Variants in TSPAN9 observed in about 807,000 individuals in gnomAD.
The protein encoded by TSPAN9 is tetraspanin-9.
TSPAN9 carries 16 observed loss-of-function variants against 31.0 expected under a neutral mutation model. The ratio of observed to expected loss-of-function variants is 0.52; its 90% confidence interval spans 0.35 to 0.78. TSPAN9 has a LOEUF of 0.78. Among genes scored for constraint, TSPAN9 ranks in the 30% least tolerant of loss-of-function variants. The pLI is 0.01. For missense variants in TSPAN9, 272 were observed against 312.5 expected, an observed-to-expected ratio of 0.87 and a Z score of 0.98; for synonymous variants, 145 against 121.6, an observed-to-expected ratio of 1.19 and a Z score of -1.27.
chr12:3,205,905 TC>T lies in TSPAN9; in HGVS notation c.63+4651del, dbSNP rs758535735. On this transcript the variant is annotated intron_variant, in intron 3 of 8. Coordinates refer to ENST00000011898, the MANE Select transcript of TSPAN9 (RefSeq NM_006675.5). ...AGGGAATGCCAGGTCTGTGTTCACT[TC>T]CTCTCCACAGCATTAAAAATTAAAC... Among the ~76,000 whole-genome samples the T allele has an allele frequency of 5.8e-4, 88 of 151,844 alleles. 1 individual carries two copies. The highest frequency in any genetic ancestry group is 8.8e-5 in the Non-Finnish European group (6 of 67,988).
chr12:3,084,960 C>G (rs1315876140), intron 2 of TSPAN9, among the ~76,000 whole-genome samples: 1 of 152,234 alleles, frequency 6.6e-6, no homozygotes, highest in Non-Finnish European at 1.5e-5. Context: ...CCTCCCGCCT[C>G]CCTGGGGCCC....
At chr12:3,178,171 C>G (rs1174222744) in intron 2 of TSPAN9, among the ~76,000 whole-genome samples, 1 of 152,210 alleles carries the variant, frequency 6.6e-6, no homozygotes, top group Non-Finnish European at 1.5e-5. Context: ...TCTCCGCTAC[C>G]CACGTATCCA....
At chr12:3,281,387 G>A (rs1358050137) in intron 7 of TSPAN9, 58 bp downstream of exon 7, 54 of 1,511,064 alleles carry the variant, frequency 3.6e-5, no homozygotes, top group Middle Eastern at 1.9e-4. Flanking sequence ...GCCCCGGCAC[G>A]GGGAGCCCTA....
chr12:3,164,643 C>T (rs765208242), intron 2 of TSPAN9, among the ~76,000 whole-genome samples: 1 of 152,170 alleles, frequency 6.6e-6, no homozygotes, highest in African/African-American at 2.4e-5. Flanking sequence ...CCAGCAGTGT[C>T]GTGGTAGGTT....
chr12:3,269,763 C>T (rs909274155), intron 3 of TSPAN9, among the ~76,000 whole-genome samples: 5 of 152,228 alleles, frequency 3.3e-5, no homozygotes, highest in Non-Finnish European at 5.9e-5. Flanking sequence ...GAGTCACAAG[C>T]GCTCCCTGTG....
intron 3 of TSPAN9, among the ~76,000 whole-genome samples, chr12:3,229,376 A>G (rs1273753956): frequency 1.3e-5 from 2 of 152,156 alleles, no homozygotes; most frequent in African/African-American, 4.8e-5. Context: ...GTGAACCTGC[A>G]CTGGGTATGT....
At chr12:3,111,030 T>C (rs1323716788) in intron 2 of TSPAN9, among the ~76,000 whole-genome samples, 1 of 152,218 alleles carries the variant, frequency 6.6e-6, no homozygotes, top group Non-Finnish European at 1.5e-5. Context: ...GTAGTTCTTG[T>C]TCTGTAAAAC....
chr12:3,109,731 G>C (rs886507279), intron 2 of TSPAN9, among the ~76,000 whole-genome samples: 6 of 146,946 alleles, frequency 4.1e-5, no homozygotes, highest in African/African-American at 1.5e-4. Context: ...CTGGGAGGCG[G>C]ATGTTGCAGT....
At chr12:3,274,338 C>T (rs1416274169) in intron 3 of TSPAN9, among the ~76,000 whole-genome samples, 1 of 152,142 alleles carries the variant, frequency 6.6e-6, no homozygotes. Flanking sequence ...GTCCAAATCC[C>T]AAGTTTTAAA....
At chr12:3,242,485 C>T (rs1202730804) in intron 3 of TSPAN9, among the ~76,000 whole-genome samples, 1 of 152,252 alleles carries the variant, frequency 6.6e-6, no homozygotes, top group East Asian at 1.9e-4. Context: ...GTCCAAGCTC[C>T]CACAGTGAGT....
intron 3 of TSPAN9, among the ~76,000 whole-genome samples, chr12:3,226,734 GTGTGTGTGTGTATATA>G (rs2098387562): frequency 7.0e-5 from 1 of 14,306 alleles, no homozygotes; most frequent in African/African-American, 2.4e-4. Flanking sequence ...GTGTGTGTGT[GTGTGTGTGTGTATATA>G]TATATATATA....
At position 3,109,157 on chromosome 12, in the gene TSPAN9, C is replaced by T. The variant is rs566098615; in HGVS notation, c.-18+25438C>T. ...TTCACCGTGTTAGCCAGGATGGTCT[C>T]GATCTCCTGACCTCGTGATCCGCCC... On this transcript the variant is annotated intron_variant, in intron 2 of 8. Transcript: ENST00000011898. Among the ~76,000 whole-genome samples, 54 of 151,870 alleles carry T rather than the reference C, an allele frequency of 3.6e-4. 1 individual carries two copies. In the South Asian group the frequency reaches 4.6e-3, roughly 13 times the overall value.
intron 2 of TSPAN9, among the ~76,000 whole-genome samples, chr12:3,113,663 T>C (rs1222364506): frequency 6.6e-6 from 1 of 152,214 alleles, no homozygotes; most frequent in Non-Finnish European, 1.5e-5. Context: ...CATTCTCCAG[T>C]GACACAGACC....
intron 2 of TSPAN9, among the ~76,000 whole-genome samples, chr12:3,189,046 CA>C (rs1230209903): frequency 1.3e-5 from 2 of 152,138 alleles, no homozygotes; most frequent in African/African-American, 4.8e-5. Flanking sequence ...TAGTCTTGTA[CA>C]AAGGAAAAGC....
At position 3,187,472 on chromosome 12, in the gene TSPAN9, G is replaced by A. The variant is rs1468108278; in HGVS notation, c.-17-13705G>A. 2.0e-5 allele frequency among the ~76,000 whole-genome samples: 3 copies of A among 152,138 alleles called. No homozygotes were observed. Among genetic ancestry groups the A allele is most frequent in the Non-Finnish European group, 2.9e-5 (2 of 68,038 alleles). On this transcript the variant is annotated intron_variant, in intron 2 of 8. Transcript: ENST00000011898. This position sits in a 1 kb window ranked among gnomAD's most constrained non-coding sequence, Gnocchi z 5.2. ...CCCAGCACTGGACCCAGGTAAGGCC[G>A]CTTGGTGTAAGGAAAGATCACTGTT...
At chr12:3,248,647 T>A (rs147145268) in intron 3 of TSPAN9, among the ~76,000 whole-genome samples, 26 of 152,220 alleles carry the variant, frequency 1.7e-4, no homozygotes, top group African/African-American at 5.8e-4. Flanking sequence ...ATATTTTTTT[T>A]TTTTGGAGGA....
intron 2 of TSPAN9, among the ~76,000 whole-genome samples, chr12:3,189,531 C>T (rs2098363199): frequency 6.6e-6 from 1 of 152,100 alleles, no homozygotes; most frequent in South Asian, 2.1e-4. Context: ...GCAGCCCAGT[C>T]ACGTGTGACT....
intron 3 of TSPAN9, among the ~76,000 whole-genome samples, chr12:3,276,412 C>T (rs1032958329): frequency 1.3e-5 from 2 of 152,226 alleles, no homozygotes; most frequent in Non-Finnish European, 2.9e-5. Flanking sequence ...TGTCTCCTAC[C>T]ATGTGTCACC....
intron 3 of TSPAN9, among the ~76,000 whole-genome samples, chr12:3,250,105 T>C (rs1159699778): frequency 6.6e-6 from 1 of 152,124 alleles, no homozygotes; most frequent in Non-Finnish European, 1.5e-5. Flanking sequence ...TCTTTGAAGG[T>C]CAGAAGCGTC....
Sources: allele counts gnomAD v4.1 joint callset (sites outside exome capture counted in the v4.1 genomes callset), GRCh38; gene constraint gnomAD v4.1.1; non-coding constraint Gnocchi (gnomAD v3.1); transcripts MANE v1.5; gene names NCBI Gene and HGNC (gene_info 2026-07-23, HGNC 2026-07-21).